The following SSU72 variants were observed in gnomAD, a reference collection of about 807,000 sequenced individuals.
The protein encoded by SSU72 is RNA polymerase II subunit A C-terminal domain phosphatase SSU72.
In SSU72, 12 loss-of-function variants were observed where a neutral mutation model predicts 22.7. That is an observed-to-expected ratio of 0.53 (90% confidence interval 0.34 to 0.86). SSU72 has a LOEUF of 0.86. SSU72 is among the 40% of genes least tolerant of loss of function. The pLI is 0.02. For synonymous variants in SSU72, 116 were observed against 98.3 expected (o/e 1.18, Z -1.06); for missense variants, 151 against 249.8 (o/e 0.60, Z 2.67).
At chr1:1,564,611 A>AC in intron 2 of SSU72, 162 bp downstream of exon 2, 1 of 1,612,958 alleles carries the variant, frequency 6.2e-7, no homozygotes, top group African/African-American at 1.3e-5. Flanking sequence ...TAACCCGTGG[A>AC]CGATCCGACG....
intron 2 of SSU72, among the ~76,000 whole-genome samples, chr1:1,553,244 C>T (rs946044463): frequency 2.6e-5 from 4 of 152,046 alleles, no homozygotes; most frequent in African/African-American, 9.7e-5. Flanking sequence ...GAAGGGTCTC[C>T]GGCTCGGCCC....
At chr1:1,572,601 C>T (rs1368278671) in intron 1 of SSU72, among the ~76,000 whole-genome samples, 3 of 149,800 alleles carry the variant, frequency 2.0e-5, no homozygotes, top group East Asian at 2.1e-4. Flanking sequence ...GGACTGCAGG[C>T]GCCCGCCACC....
chr1:1,544,645 G>A (rs1213957050), intron 3 of SSU72: 1 of 612,942 alleles, frequency 1.6e-6, no homozygotes, highest in South Asian at 1.9e-5. Flanking sequence ...ACACCAAGGA[G>A]AAAAGAGGCC....
At chr1:1,555,557 G>A (rs929235583) in intron 2 of SSU72, among the ~76,000 whole-genome samples, 3 of 152,212 alleles carry the variant, frequency 2.0e-5, no homozygotes, top group East Asian at 1.9e-4. Flanking sequence ...CGGCAGCTCC[G>A]TACTCAGAAG....
chr1:1,552,885 G>A (rs1222281195), intron 2 of SSU72, among the ~76,000 whole-genome samples: 1 of 152,016 alleles, frequency 6.6e-6, no homozygotes, highest in Non-Finnish European at 1.5e-5. Context: ...GCCAGAAATG[G>A]TAGCTAATGC....
At chr1:1,565,557 A>T (rs1292345973) in intron 1 of SSU72, among the ~76,000 whole-genome samples, 4 of 152,166 alleles carry the variant, frequency 2.6e-5, no homozygotes, top group Admixed American at 1.3e-4. Flanking sequence ...TTCCTAAGGG[A>T]CTCACAAAGG....
At chr1:1,560,477 T>TCGTA (rs143731185) in intron 2 of SSU72, among the ~76,000 whole-genome samples, 1,616 of 152,270 alleles carry the variant, frequency 0.011, 8 homozygotes, top group Non-Finnish European at 0.016. Flanking sequence ...AAACCTAGAC[T>TCGTA]CGTACCCTGA....
At chr1:1,565,005 T>A in intron 1 of SSU72, 89 bp from the exon 2 acceptor site, 1 of 1,481,406 alleles carries the variant, frequency 6.8e-7, no homozygotes, top group Admixed American at 2.3e-5. Flanking sequence ...AGAAACAAAA[T>A]GAGTAATTTC....
intron 1 of SSU72, among the ~76,000 whole-genome samples, chr1:1,571,009 G>A (rs534078266): frequency 2.0e-5 from 3 of 152,262 alleles, no homozygotes; most frequent in East Asian, 3.9e-4. Context: ...CACTTTGGGA[G>A]GCCGAGGCGG....
At chr1:1,548,570 A>C (rs1185262890) in intron 2 of SSU72, among the ~76,000 whole-genome samples, 1 of 151,344 alleles carries the variant, frequency 6.6e-6, no homozygotes. Context: ...AAAAAAAAAA[A>C]AAAAAACTCC....
chr1:1,551,390 C>T (rs1642453769), intron 2 of SSU72, among the ~76,000 whole-genome samples: 1 of 152,268 alleles, frequency 6.6e-6, no homozygotes, highest in African/African-American at 2.4e-5. Flanking sequence ...GGGTGAGCCC[C>T]TGAGCAGGCA....
At chr1:1,557,419 GTAAATAAA>G (rs756696659) in intron 2 of SSU72, among the ~76,000 whole-genome samples, 1 of 151,482 alleles carries the variant, frequency 6.6e-6, no homozygotes, top group African/African-American at 2.4e-5. Context: ...TCTCAAAAAA[GTAAATAAA>G]TAAATAAATA....
chr1:1,574,406 AG>A, intron 1 of SSU72, 71 bp downstream of exon 1: 2 of 1,492,480 alleles, frequency 1.3e-6, no homozygotes, highest in East Asian at 2.7e-5. Context: ...GGCGCGGGCC[AG>A]GGGGAACCGG....
At chr1:1,570,880 G>A (rs1294550408) in intron 1 of SSU72, among the ~76,000 whole-genome samples, 3 of 152,106 alleles carry the variant, frequency 2.0e-5, no homozygotes, top group Admixed American at 2.0e-4. Context: ...GGGAGGCCAA[G>A]GCGGGCAGAT....
In SSU72 at chr1:1,542,060, C is replaced by T; in HGVS notation, c.*6G>A. 1 of 1,571,074 alleles carries T rather than the reference C, an allele frequency of 6.4e-7. No individual in the cohort carries two copies. Among genetic ancestry groups the T allele is most frequent in the Non-Finnish European group, 8.6e-7 (1 of 1,157,764 alleles). On this transcript the variant is annotated 3_prime_UTR_variant, in exon 5 of 5. Coordinates refer to ENST00000291386, the MANE Select transcript of SSU72 (RefSeq NM_014188.3). This position sits in a 1 kb window ranked among gnomAD's most constrained non-coding sequence, Gnocchi z 4.4. The stretch of plus-strand genomic sequence containing the variant: ...CTCCAGAGGCGGCTCCATGCGGGCG[C>T]TGGGCTCAGTAGAAGCAGACGGTGT...
In SSU72 at chr1:1,543,714, T is replaced by C. The variant is rs530364192; in HGVS notation, c.483+155A>G. On this transcript the variant is annotated intron_variant, in intron 4 of 4. Coordinates refer to ENST00000291386, the MANE Select transcript of SSU72 (RefSeq NM_014188.3). ...TCGGCCACTCCCCACTGTCACGGCC[T>C]CGGCCACTCCCCTGTCACGGCCTCG... 2.0e-4 allele frequency: 88 copies of C among 429,816 alleles called. 2 individuals carry two copies. Among genetic ancestry groups the C allele is most frequent in the Admixed American group, 3.4e-4 (9 of 26,170 alleles). The allele number at this position is 429,816 out of a possible 1,614,324, so 26.6% of individuals were successfully genotyped here.
intron 2 of SSU72, chr1:1,563,299 C>G (rs186789608): frequency 6.6e-6 from 1 of 151,850 alleles, no homozygotes; most frequent in African/African-American, 2.4e-5. Context: ...TCTGAGAGGC[C>G]GAGGCAGCTG....
At chr1:1,544,127 C>G (rs1233264539) in intron 3 of SSU72, 140 bp from the exon 4 acceptor site, 1 of 637,538 alleles carries the variant, frequency 1.6e-6, no homozygotes, top group African/African-American at 1.8e-5. Context: ...TTGGGGAGCA[C>G]AATGAATGAG....
At position 1,574,852 on chromosome 1, in the gene SSU72, G is replaced by A. The variant is rs1266177539; in HGVS notation, c.-295C>T. On this transcript the variant is annotated 5_prime_UTR_variant, in exon 1 of 5. Transcript: ENST00000291386. ...AGAGACCCGCACTCCACAAGGCCCG[G>A]CTGAGCGTCACGGCGCCAAGCGGCG... 8.3e-6 allele frequency: 3 copies of A among 360,930 alleles called. No homozygotes were observed. The highest frequency in any genetic ancestry group is 4.1e-5 in the South Asian group (2 of 48,722). 22.4% of individuals were successfully genotyped at this position (360,930 alleles called of 1,614,324 possible).
Sources: allele counts gnomAD v4.1 joint callset (sites outside exome capture counted in the v4.1 genomes callset), GRCh38; gene constraint gnomAD v4.1.1; non-coding constraint Gnocchi (gnomAD v3.1); transcripts MANE v1.5; gene names NCBI Gene and HGNC (gene_info 2026-07-23, HGNC 2026-07-21).